LOXL1: variants seen among roughly 807,000 people sequenced by gnomAD.
LOXL1 encodes lysyl oxidase homolog 1.
LOXL1 carries 31 observed loss-of-function variants against 62.2 expected under a neutral mutation model. The ratio of observed to expected loss-of-function variants is 0.50; its 90% confidence interval spans 0.37 to 0.67. The LOEUF (loss-of-function observed/expected upper bound fraction) is 0.67. Ranked by LOEUF, LOXL1 falls within the 30% of genes least tolerant of loss-of-function variation. LOXL1 has a pLI of 0.00. For missense variants in LOXL1, 775 were observed against 843.4 expected (o/e 0.92, Z 1.00); for synonymous variants, 403 against 384.4 (o/e 1.05, Z -0.56).
Position 73,943,043 on chromosome 15 carries a change from G to C in LOXL1, c.1211+81G>C, listed in dbSNP as rs371802307. ...GAACCCAGCCTAGCTGTGGCTGCCA[G>C]CTAGGCTGTCTGCAAGCTGATGACC... On this transcript the variant is annotated intron_variant, in intron 2 of 6. Coordinates refer to ENST00000261921, the MANE Select transcript of LOXL1 (RefSeq NM_005576.4). 4.5e-4 allele frequency: 507 copies of C among 1,122,524 alleles called. 8 individuals carry two copies. In the South Asian group the frequency reaches 5.7e-3, roughly 13 times the overall value. 69.5% of individuals were successfully genotyped at this position (1,122,524 alleles called of 1,614,324 possible).
chr15:73,927,723 G>A lies in LOXL1; in HGVS notation c.940G>A (p.Ala314Thr), dbSNP rs756104720. 5.5e-6 allele frequency: 8 copies of A among 1,465,512 alleles called. No homozygotes were observed. The South Asian group carries it at 1.0e-4, about 19-fold the overall frequency. 90.8% of individuals were successfully genotyped at this position (1,465,512 alleles called of 1,614,324 possible). ...DPRLGWYPPYANPPPEAYGPP... is the reference protein window; with the variant it reads ...DPRLGWYPPYTNPPPEAYGPP... ...ACGCCTGGGCTGGTACCCGCCCTAC[G>A]CCAACCCGCCGCCCGAGGCGTACGG... Residue 314 changes from alanine to threonine, a missense_variant, in exon 1 of 7, where the codon GCC becomes ACC. Coordinates refer to ENST00000261921, the MANE Select transcript of LOXL1 (RefSeq NM_005576.4).
chr15:73,949,678 G>C, intron 6 of LOXL1, 104 bp downstream of exon 6: 2 of 771,936 alleles, frequency 2.6e-6, no homozygotes, highest in Non-Finnish European at 2.3e-6. Context: ...AGGTCACCTT[G>C]ATGGCCGAAC....
Position 73,949,458 on chromosome 15 carries a change from G to A in LOXL1, c.1603-1G>A. ...TTCTCCCTGTTTCTCTTCTTCCTCA[G>A]GTGCACGTGAACCCAAAGTATATTG... On this transcript the variant is annotated splice_acceptor_variant, in intron 5 of 6. Coordinates refer to ENST00000261921, the MANE Select transcript of LOXL1 (RefSeq NM_005576.4). LOFTEE classifies it high-confidence loss of function. The A allele has an allele frequency of 6.3e-7, 1 of 1,588,204 alleles. No homozygotes were observed. The highest frequency in any genetic ancestry group is 2.2e-5 in the East Asian group (1 of 44,768).
chr15:73,932,079 A>G (rs1286869519), intron 1 of LOXL1, among the ~76,000 whole-genome samples: 1 of 152,192 alleles, frequency 6.6e-6, no homozygotes, highest in Non-Finnish European at 1.5e-5. Context: ...TGCTCTCTGC[A>G]TCACAGTGAG....
At chr15:73,949,751 C>T (rs751688634) in intron 6 of LOXL1, among the ~76,000 whole-genome samples, 177 bp downstream of exon 6, 7 of 152,110 alleles carry the variant, frequency 4.6e-5, no homozygotes, top group Admixed American at 1.3e-4. Flanking sequence ...TGAGTGTTTA[C>T]GGTGGGGCTC....
intron 1 of LOXL1, among the ~76,000 whole-genome samples, chr15:73,934,170 C>G (rs1013437106): frequency 6.6e-6 from 1 of 152,254 alleles, no homozygotes; most frequent in Non-Finnish European, 1.5e-5. Context: ...GTTTTCCAAA[C>G]CCAACGCAAA....
At position 73,926,958 on chromosome 15, in the gene LOXL1, T is replaced by C; in HGVS notation, c.175T>C (p.Ser59Pro). 1 of 1,549,222 alleles carries C rather than the reference T, an allele frequency of 6.5e-7. No homozygotes were observed. The change falls in exon 1 of 7, where the codon TCA (serine) becomes CCA (proline). Residue 59 changes from serine (S) to proline (P), a missense_variant. Coordinates refer to ENST00000261921, the MANE Select transcript of LOXL1 (RefSeq NM_005576.4). ...GQVYSLLNSG[S>P]EYVPAGPQRS... The stretch of plus-strand genomic sequence containing the variant: ...GGTGTACAGCTTGCTCAACTCGGGC[T>C]CAGAGTACGTGCCGGCCGGACCTCA...
chr15:73,951,687 G>C, intron 6 of LOXL1, 144 bp from the exon 7 acceptor site: 1 of 624,130 alleles, frequency 1.6e-6, no homozygotes, highest in Non-Finnish European at 2.5e-6. Context: ...GGCTGAGGGG[G>C]TCGGAACTTT....
In LOXL1 at chr15:73,937,895, G is replaced by A. The variant is rs560044685; in HGVS notation, c.1103-4959G>A. ...AGCAGGGCTGTAGGTGACCCAGGGA[G>A]CTGGCTGCGTACCTTCATCAGGCCC... On this transcript the variant is annotated intron_variant, in intron 1 of 6. Transcript: ENST00000261921. Among the ~76,000 whole-genome samples the A allele has an allele frequency of 3.3e-5, 5 of 152,348 alleles. No individual in the cohort carries two copies. In the East Asian group the frequency reaches 5.8e-4, roughly 18 times the overall value.
chr15:73,931,332 C>T (rs559741203), intron 1 of LOXL1, among the ~76,000 whole-genome samples: 4 of 152,236 alleles, frequency 2.6e-5, no homozygotes, highest in African/African-American at 9.6e-5. Context: ...TCCCTGGTCC[C>T]TTGCTCCCAG....
chr15:73,950,257 C>G (rs1341849990), intron 6 of LOXL1, among the ~76,000 whole-genome samples: 2 of 150,236 alleles, frequency 1.3e-5, no homozygotes, highest in Admixed American at 1.3e-4. Context: ...ACAAGGAAAC[C>G]CCACCACACT....
intron 1 of LOXL1, among the ~76,000 whole-genome samples, chr15:73,932,798 TC>T (rs2068644344): frequency 6.6e-6 from 1 of 152,202 alleles, no homozygotes; most frequent in African/African-American, 2.4e-5. Flanking sequence ...CAGATCAGCA[TC>T]CCTCCTTCCT....
chr15:73,940,083 T>C (rs1224831663), intron 1 of LOXL1, among the ~76,000 whole-genome samples: 1 of 152,182 alleles, frequency 6.6e-6, no homozygotes, highest in Non-Finnish European at 1.5e-5. Flanking sequence ...GCCCATAGAA[T>C]GCCATCTGGA....
intron 1 of LOXL1, chr15:73,941,929 A>C: frequency 3.9e-6 from 1 of 253,886 alleles, no homozygotes; most frequent in Non-Finnish European, 8.8e-6. Flanking sequence ...GGGCAGGAAC[A>C]GGACGGACAG....
At chr15:73,950,398 G>C (rs144921766) in intron 6 of LOXL1, among the ~76,000 whole-genome samples, 352 of 152,248 alleles carry the variant, frequency 2.3e-3, no homozygotes, top group African/African-American at 8.1e-3. Context: ...TTCCCTAAAA[G>C]TGTGTACTTA....
rs997082796 is a variant in LOXL1 at position 73,947,713 on chromosome 15, C to T, written c.1507-94C>T. 9 of 878,480 alleles carry T rather than the reference C, an allele frequency of 1.0e-5. No homozygotes were observed. In the East Asian group the frequency reaches 1.5e-4, roughly 15 times the overall value. The allele number at this position is 878,480 out of a possible 1,614,324, so 54.4% of individuals were successfully genotyped here. On this transcript the variant is annotated intron_variant, in intron 4 of 6. Coordinates refer to ENST00000261921, the MANE Select transcript of LOXL1 (RefSeq NM_005576.4). ...CTGGGCCAGGGTCAGGGGAGAAACC[C>T]AGGGGAAGGTGGGCCAGAAACTCCT...
chr15:73,951,361 C>G (rs943585135), intron 6 of LOXL1, among the ~76,000 whole-genome samples: 9 of 152,066 alleles, frequency 5.9e-5, no homozygotes, highest in African/African-American at 1.7e-4. Flanking sequence ...AAGGCCGGGC[C>G]TTATTAGAGT....
In LOXL1 at chr15:73,951,824, T is replaced by C; in HGVS notation, c.1719-7T>C. 1 of 1,549,186 alleles carries C rather than the reference T, an allele frequency of 6.5e-7. No homozygotes were observed. The highest frequency in any genetic ancestry group is 8.7e-7 in the Non-Finnish European group (1 of 1,143,886). ...CCCTCATTGACCCACTGTCTTTCCT[T>C]CCTCAGATCCTGATCTCCGGGAGGG... is the stretch of plus-strand genomic sequence containing the variant. On this transcript the variant is annotated splice_polypyrimidine_tract_variant and splice_region_variant and intron_variant, in intron 6 of 6. Transcript: ENST00000261921.
In LOXL1 at chr15:73,947,061, C is replaced by A; in HGVS notation, c.1350-6C>A. The A allele has an allele frequency of 6.3e-7, 1 of 1,596,586 alleles. No individual in the cohort carries two copies. The highest frequency in any genetic ancestry group is 8.6e-7 in the Non-Finnish European group (1 of 1,167,224). On this transcript the variant is annotated splice_polypyrimidine_tract_variant and splice_region_variant and intron_variant, in intron 3 of 6. Transcript: ENST00000261921. ...TCTTCTTTCTCCTTCTCTCCTCTGC[C>A]CCTAGGCATTACCACAGCATGGACG...
Sources: allele counts gnomAD v4.1 joint callset (sites outside exome capture counted in the v4.1 genomes callset), GRCh38; gene constraint gnomAD v4.1.1; transcripts MANE v1.5; gene names NCBI Gene and HGNC (gene_info 2026-07-23, HGNC 2026-07-21).